The following ZNF483 variants were observed in gnomAD, a reference collection of about 807,000 sequenced individuals.
The protein encoded by ZNF483 is zinc finger protein HIT-10.
A neutral mutation model predicts 28.6 loss-of-function variants in ZNF483; 9 were observed. The ratio of observed to expected loss-of-function variants is 0.32; its 90% CI spans 0.19 to 0.55. The LOEUF is 0.55. Ranked by LOEUF, ZNF483 falls within the 20% of genes least tolerant of loss-of-function variation. The pLI, the probability that ZNF483 is intolerant of heterozygous loss-of-function variation, is 0.93. For missense variants in ZNF483, 675 were observed against 871.7 expected (o/e 0.77, Z 2.84); for synonymous variants, 322 against 306.2 (o/e 1.05, Z -0.54).
intron 5 of ZNF483, among the ~76,000 whole-genome samples, chr9:111,561,168 AGAGAGAGAGAAAGAG>A (rs1828306848): frequency 7.0e-6 from 1 of 143,394 alleles, no homozygotes; most frequent in Non-Finnish European, 1.5e-5. Flanking sequence ...AGAGAGAGAG[AGAGAGAGAGAAAGAG>A]AGAGAGATTC....
chr9:111,547,058 T>C lies in ZNF483; in HGVS notation c.*3888T>C, dbSNP rs1272748197. On this transcript the variant is annotated 3_prime_UTR_variant, in exon 6 of 6. Coordinates refer to ENST00000309235, the MANE Select transcript of ZNF483 (RefSeq NM_133464.5). ...GCTGAATAATATTCCATTTTACTTG[T>C]ATACCACATTTTGTTTATCCTTTTA... Among the ~76,000 whole-genome samples the C allele has an allele frequency of 5.9e-5, 9 of 152,326 alleles. 1 individual carries two copies. The South Asian group carries it at 1.2e-3, about 21-fold the overall frequency.
Position 111,542,827 on chromosome 9 carries a change from G to A in ZNF483, c.1892G>A (p.Gly631Glu). 1 of 1,614,116 alleles carries A rather than the reference G, an allele frequency of 6.2e-7. No homozygotes were observed. The highest frequency in any genetic ancestry group is 8.5e-7 in the Non-Finnish European group (1 of 1,180,014). The change falls in exon 6 of 6, where the codon GGA (glycine) becomes GAA (glutamate). Residue 631 changes from glycine to glutamate, a missense_variant. Physicochemically the swap from Gly to Glu is moderately conservative, Grantham distance 98. Transcript: ENST00000309235. This position sits in a 1 kb window ranked among gnomAD's most constrained non-coding sequence, Gnocchi z 6.2. Reference protein sequence around the residue: ...SVIYHQRLHSGEKPYKCNQCE... With the variant: ...SVIYHQRLHSEEKPYKCNQCE... ...ATTTATCATCAAAGACTTCATTCAG[G>A]AGAAAAACCCTACAAATGTAACCAG...
At chr9:111,563,050 T>C (rs1359624710) in intron 5 of ZNF483, 1 of 1,570,978 alleles carries the variant, frequency 6.4e-7, no homozygotes, top group Non-Finnish European at 8.6e-7. Context: ...GTAGTATACA[T>C]TTTTGCTAAA....
At chr9:111,526,723 T>G (rs1827193079) in intron 1 of ZNF483, among the ~76,000 whole-genome samples, 1 of 152,230 alleles carries the variant, frequency 6.6e-6, no homozygotes, top group South Asian at 2.1e-4. Flanking sequence ...GAACCTTTTC[T>G]GATAACATTT....
rs1307121664 is a variant in ZNF483, at chr9:111,548,926, A to C, written c.*5756A>C. On this transcript the variant is annotated 3_prime_UTR_variant, in exon 6 of 6. Coordinates refer to ENST00000309235, the MANE Select transcript of ZNF483 (RefSeq NM_133464.5). Reference sequence around the variant, plus strand: ...TCTCACTGAGGATTTCTTTTATGTGATGATTTGCTTCTCTCTTGATGCTTT... The same window carrying C: ...TCTCACTGAGGATTTCTTTTATGTGCTGATTTGCTTCTCTCTTGATGCTTT... Among the ~76,000 whole-genome samples, 1 of 151,366 alleles carries C rather than the reference A, an allele frequency of 6.6e-6. No homozygotes were observed. Among genetic ancestry groups the C allele is most frequent in the African/African-American group, 2.4e-5 (1 of 41,128 alleles).
intron 5 of ZNF483, chr9:111,563,233 T>TG: frequency 6.2e-7 from 1 of 1,609,366 alleles, no homozygotes; most frequent in Non-Finnish European, 8.5e-7. Flanking sequence ...GATTTTACCC[T>TG]GTATCAAAGC....
rs150587835 is a variant in ZNF483 at position 111,552,286 on chromosome 9, CT to C, written c.*9125del. Reference sequence around the variant, plus strand: ...GAAACAAGATCATTAGATACATTGTCTTTTTTTTTCAGAAGTTTCATAAACT... The same window carrying C: ...GAAACAAGATCATTAGATACATTGTCTTTTTTTTCAGAAGTTTCATAAACT... On this transcript the variant is annotated 3_prime_UTR_variant, in exon 6 of 6. Transcript: ENST00000309235. 2.6e-5 allele frequency among the ~76,000 whole-genome samples: 4 copies of C among 151,140 alleles called. No homozygotes were observed. The South Asian group carries it at 8.4e-4, about 32-fold the overall frequency.
Position 111,545,413 on chromosome 9 carries a change from A to T in ZNF483, c.*2243A>T, listed in dbSNP as rs1290608694. Among the ~76,000 whole-genome samples the T allele has an allele frequency of 2.0e-5, 3 of 152,078 alleles. No homozygotes were observed. Among genetic ancestry groups the T allele is most frequent in the African/African-American group, 7.2e-5 (3 of 41,422 alleles). ...AATCTGGAGTATAAACTTTTTTTTT[A>T]AAGGAATTTATTGAGGTACAAATTA... is the stretch of plus-strand genomic sequence containing the variant. On this transcript the variant is annotated 3_prime_UTR_variant, in exon 6 of 6. Transcript: ENST00000309235.
chr9:111,544,344 G>T lies in ZNF483; in HGVS notation c.*1174G>T. On this transcript the variant is annotated 3_prime_UTR_variant, in exon 6 of 6. Transcript: ENST00000309235. ...GTTATAACAATTTGCTTGGGTGTGT[G>T]TGCATGTGTGTGTGTGTGTGTGTGT... The T allele has an allele frequency of 1.0e-6, 1 of 962,916 alleles. No individual in the cohort carries two copies. The highest frequency in any genetic ancestry group is 1.2e-6 in the Non-Finnish European group (1 of 824,996). 59.6% of individuals were successfully genotyped at this position (962,916 alleles called of 1,614,324 possible).
rs1489129229 is a variant in ZNF483 at position 111,551,901 on chromosome 9, T to A, written c.*8731T>A. Among the ~76,000 whole-genome samples, 1 of 152,230 alleles carries A rather than the reference T, an allele frequency of 6.6e-6. No individual in the cohort carries two copies. Among genetic ancestry groups the A allele is most frequent in the African/African-American group, 2.4e-5 (1 of 41,458 alleles). On this transcript the variant is annotated 3_prime_UTR_variant, in exon 6 of 6. Coordinates refer to ENST00000309235, the MANE Select transcript of ZNF483 (RefSeq NM_133464.5). ...AGTTTATCAATACAATATATCATTCTTCAGATTTTGCTTATTTTTTGCAGC... is the reference window on the plus strand; with the variant it reads ...AGTTTATCAATACAATATATCATTCATCAGATTTTGCTTATTTTTTGCAGC...
At chr9:111,560,974 TAGAGAGAGAGAGAGAGAGAGAG>T (rs1172194603) in intron 5 of ZNF483, among the ~76,000 whole-genome samples, 2 of 9,342 alleles carry the variant, frequency 2.1e-4, no homozygotes, top group Non-Finnish European at 3.8e-4. Flanking sequence ...TATATATATA[TAGAGAGAGAGAGAGAGAGAGAG>T]AGAGAGAGAG....
Position 111,572,756 on chromosome 9 carries a change from C to CAAA in ZNF483, c.722-3587_722-3585dup, listed in dbSNP as rs58101079. On this transcript the variant is annotated intron_variant, in intron 5 of 5. Transcript: ENST00000358151. The stretch of plus-strand genomic sequence containing the variant: ...TGGGCAACAAAGCGAGACCCTGTCT[C>CAAA]AAAAAAAAAAAAAAAAAAAAAAAAT... 5.3e-3 allele frequency among the ~76,000 whole-genome samples: 333 copies of CAAA among 63,128 alleles called. 3 individuals carry two copies. The highest frequency in any genetic ancestry group is 0.017 in the East Asian group (53 of 3,056). The allele number at this position is 63,128 out of a possible 152,430, so 41.4% of individuals were successfully genotyped here. A position where few individuals can be genotyped will look rare whatever the true frequency, so the allele number is the denominator to read the frequency against.
chr9:111,539,253 A>C (rs1419044641), intron 5 of ZNF483, among the ~76,000 whole-genome samples: 1 of 152,232 alleles, frequency 6.6e-6, no homozygotes, highest in African/African-American at 2.4e-5. Context: ...AAATGTTCAA[A>C]CTCACTGGCT....
chr9:111,533,723 C>G lies in ZNF483; in HGVS notation c.502-16C>G. The G allele has an allele frequency of 6.5e-7, 1 of 1,540,550 alleles. No individual in the cohort carries two copies. The highest frequency in any genetic ancestry group is 8.7e-7 in the Non-Finnish European group (1 of 1,155,018). On this transcript the variant is annotated splice_polypyrimidine_tract_variant and intron_variant, in intron 3 of 5. Transcript: ENST00000309235. ...TTGGGAATAATCCAATACAAAAGAG[C>G]TGTTTGGTGTTCTAGGAATCTATAA...
exon 6 of ZNF483, chr9:111,576,662 T>A: frequency 4.3e-6 from 2 of 463,418 alleles, no homozygotes; most frequent in Admixed American, 3.7e-5. Context: ...ATAGTCTATG[T>A]GAGATATGTG....
intron 5 of ZNF483, chr9:111,570,145 C>T: frequency 6.2e-7 from 1 of 1,614,092 alleles, no homozygotes; most frequent in East Asian, 2.2e-5. Context: ...CATCTCCTTG[C>T]CAGCGGTAGA....
chr9:111,542,546 T>G lies in ZNF483; in HGVS notation c.1611T>G (p.Ser537=), dbSNP rs907218299. 2 of 1,614,106 alleles carry G rather than the reference T, an allele frequency of 1.2e-6. No individual in the cohort carries two copies. Among genetic ancestry groups the G allele is most frequent in the African/African-American group, 1.3e-5 (1 of 75,034 alleles). ...GGAGACCCTTTAGTGACAGTTCATC[T>G]CTTATTCAACATCAGCGAATTCATA... ...DCGRPFSDSS[S]LIQHQRIHTG... Residue 537 remains serine, a synonymous_variant, in exon 6 of 6, where the codon TCT becomes TCG. Transcript: ENST00000309235. This position sits in a 1 kb window ranked among gnomAD's most constrained non-coding sequence, Gnocchi z 6.2.
chr9:111,561,100 T>G (rs1449967788), intron 5 of ZNF483, among the ~76,000 whole-genome samples: 2 of 31,428 alleles, frequency 6.4e-5, no homozygotes, highest in East Asian at 4.9e-4. Context: ...TATATATATA[T>G]ATATATATAT....
chr9:111,568,782 A>G (rs1019553780), intron 5 of ZNF483, among the ~76,000 whole-genome samples: 8 of 152,176 alleles, frequency 5.3e-5, no homozygotes, highest in African/African-American at 1.9e-4. Flanking sequence ...CACTTATGAA[A>G]AATAGAAAGA....
Sources: allele counts gnomAD v4.1 joint callset (sites outside exome capture counted in the v4.1 genomes callset), GRCh38; gene constraint gnomAD v4.1.1; non-coding constraint Gnocchi (gnomAD v3.1); transcripts MANE v1.5; gene names NCBI Gene and HGNC (gene_info 2026-07-23, HGNC 2026-07-21).